TMC1: variants seen among roughly 807,000 people sequenced by gnomAD.
TMC1 encodes transmembrane channel-like protein 1.
Under a neutral mutation model 105.8 loss-of-function variants are expected in TMC1, and 84 were observed. The ratio of observed to expected loss-of-function variants is 0.79; its 90% CI spans 0.67 to 0.95. The LOEUF (loss-of-function observed/expected upper bound fraction) is 0.95. TMC1 is among the 40% of genes least tolerant of loss of function. The pLI, the probability that TMC1 is intolerant of heterozygous loss-of-function variation, is 0.00. For missense variants in TMC1, 817 were observed against 914.1 expected, an observed-to-expected ratio of 0.89 and a Z score of 1.37; for synonymous variants, 315 against 311.5, an observed-to-expected ratio of 1.01 and a Z score of -0.12.
chr9:72,723,622 A>C (rs1488098796), intron 8 of TMC1, among the ~76,000 whole-genome samples: 2 of 152,208 alleles, frequency 1.3e-5, no homozygotes, highest in Non-Finnish European at 2.9e-5. Flanking sequence ...CCTTTCAAAT[A>C]ATATTTTGAA....
rs1281883385 is a variant in TMC1 at position 72,656,274 on chromosome 9, G to C, written c.16+7610G>C. On this transcript the variant is annotated intron_variant, in intron 5 of 23. Transcript: ENST00000297784. ...CAGGAGCAGGTGCGGGCGGATCAGA[G>C]CTCCACAACACCTACGACCACCTCT... 4 of 321,600 alleles carry C rather than the reference G, an allele frequency of 1.2e-5. No homozygotes were observed. The South Asian group carries it at 1.4e-4, about 11-fold the overall frequency. 19.9% of individuals were successfully genotyped at this position (321,600 alleles called of 1,614,324 possible).
chr9:72,786,414 A>G lies in TMC1; in HGVS notation c.885-1925A>G, dbSNP rs1828168550. Among the ~76,000 whole-genome samples the G allele has an allele frequency of 1.3e-5, 2 of 152,206 alleles. 1 individual carries two copies. Among genetic ancestry groups the G allele is most frequent in the South Asian group, 4.1e-4 (2 of 4,832 alleles). ...AGCCGAGATCGCGCCACTGCACTCT[A>G]GCCTGGGCGACAGAGAAGACTCCTC... On this transcript the variant is annotated intron_variant, in intron 13 of 23. Coordinates refer to ENST00000297784, the MANE Select transcript of TMC1 (RefSeq NM_138691.3).
intron 4 of TMC1, among the ~76,000 whole-genome samples, chr9:72,647,483 C>T (rs1190203667): frequency 6.6e-6 from 1 of 152,068 alleles, no homozygotes; most frequent in Non-Finnish European, 1.5e-5. Context: ...TGCAACAAAA[C>T]CTTATCTCTT....
rs1359485028 is a variant in TMC1 at position 72,772,282 on chromosome 9, T to C, written c.742-131T>C. On this transcript the variant is annotated intron_variant, in intron 12 of 23. Coordinates refer to ENST00000297784, the MANE Select transcript of TMC1 (RefSeq NM_138691.3). ...ACATTCACTTTATGGAGCAAAACAA[T>C]AGGGCTCATGTCAGAGCTGTGACCC... 8 of 1,111,798 alleles carry C rather than the reference T, an allele frequency of 7.2e-6. No individual in the cohort carries two copies. In the Admixed American group the frequency reaches 1.0e-4, roughly 14 times the overall value. The allele number at this position is 1,111,798 out of a possible 1,614,324, so 68.9% of individuals were successfully genotyped here.
In TMC1 at chr9:72,686,290, A is replaced by T. The variant is rs757748746; in HGVS notation, c.17-2419A>T. ...TGGGGAGCAGCTGAGGCATGAAGAG[A>T]TCATACGATTGGGAATAAGGTACTA... On this transcript the variant is annotated intron_variant, in intron 5 of 23. Coordinates refer to ENST00000297784, the MANE Select transcript of TMC1 (RefSeq NM_138691.3). Among the ~76,000 whole-genome samples, 94 of 152,154 alleles carry T rather than the reference A, an allele frequency of 6.2e-4. 1 individual carries two copies. The highest frequency in any genetic ancestry group is 1.0e-4 in the Non-Finnish European group (7 of 68,026).
intron 12 of TMC1, among the ~76,000 whole-genome samples, chr9:72,758,330 C>T (rs1172556923): frequency 6.6e-6 from 1 of 152,004 alleles, no homozygotes; most frequent in African/African-American, 2.4e-5. Flanking sequence ...TTCACAAGTA[C>T]ATCAATAAGA....
At chr9:72,702,937 C>T (rs1826668957) in intron 8 of TMC1, among the ~76,000 whole-genome samples, 1 of 152,004 alleles carries the variant, frequency 6.6e-6, no homozygotes, top group South Asian at 2.1e-4. Context: ...CGAAAGCAGA[C>T]ACTGACAATA....
At chr9:72,658,512 C>G (rs1160560703) in intron 5 of TMC1, among the ~76,000 whole-genome samples, 1 of 152,166 alleles carries the variant, frequency 6.6e-6, no homozygotes, top group African/African-American at 2.4e-5. Flanking sequence ...TTTCTTCCTT[C>G]CTTCTTTCTA....
At chr9:72,551,193 G>C (rs1823855531) in intron 1 of TMC1, among the ~76,000 whole-genome samples, 1 of 152,148 alleles carries the variant, frequency 6.6e-6, no homozygotes, top group African/African-American at 2.4e-5. Flanking sequence ...TTAGTCCGAT[G>C]AGATTGATTT....
At chr9:72,543,000 T>A (rs1823704020) in intron 1 of TMC1, among the ~76,000 whole-genome samples, 1 of 152,182 alleles carries the variant, frequency 6.6e-6, no homozygotes, top group East Asian at 1.9e-4. Context: ...TTCTAATGTG[T>A]AAAATGAAAA....
At chr9:72,545,534 A>T (rs1417591120) in intron 1 of TMC1, among the ~76,000 whole-genome samples, 2 of 152,054 alleles carry the variant, frequency 1.3e-5, no homozygotes, top group Non-Finnish European at 2.9e-5. Context: ...GTTGCCCAGG[A>T]TGGAGTGCAG....
chr9:72,737,653 G>C (rs1827322414), intron 8 of TMC1, among the ~76,000 whole-genome samples: 1 of 152,110 alleles, frequency 6.6e-6, no homozygotes, highest in Non-Finnish European at 1.5e-5. Flanking sequence ...TCTGCTTAGA[G>C]GCTTCAGTTC....
chr9:72,795,623 G>A (rs1828350851), intron 17 of TMC1, among the ~76,000 whole-genome samples: 1 of 152,162 alleles, frequency 6.6e-6, no homozygotes. Flanking sequence ...CACCAGACCT[G>A]CTTTACAAGA....
intron 17 of TMC1, among the ~76,000 whole-genome samples, chr9:72,796,828 T>C (rs1023956479): frequency 2.0e-5 from 3 of 152,044 alleles, no homozygotes; most frequent in African/African-American, 7.2e-5. Context: ...AAGGATGCCC[T>C]CTCTCACCAC....
At chr9:72,765,092 A>C (rs933684433) in intron 12 of TMC1, among the ~76,000 whole-genome samples, 1 of 152,186 alleles carries the variant, frequency 6.6e-6, no homozygotes, top group Non-Finnish European at 1.5e-5. Flanking sequence ...TTCATTATTA[A>C]TGGAAATCGA....
rs1828967982 is a variant in TMC1, at chr9:72,827,014, A to G, written c.2129+20A>G. On this transcript the variant is annotated intron_variant, in intron 21 of 23. Transcript: ENST00000297784. ...GATGGTGTATGTGCTTTTCCTCCTC[A>G]TAGAAAGAGCCTCTGTGATGTTCTT... The G allele has an allele frequency of 1.2e-6, 2 of 1,613,784 alleles. No homozygotes were observed. Among genetic ancestry groups the G allele is most frequent in the South Asian group, 1.1e-5 (1 of 91,078 alleles).
chr9:72,690,945 C>A (rs1222664514), intron 6 of TMC1, among the ~76,000 whole-genome samples: 2 of 152,130 alleles, frequency 1.3e-5, no homozygotes, highest in Non-Finnish European at 2.9e-5. Flanking sequence ...CTTCAGAACT[C>A]CCATAGTGTA....
intron 1 of TMC1, among the ~76,000 whole-genome samples, chr9:72,567,901 T>C (rs1386815175): frequency 5.9e-5 from 9 of 152,146 alleles, no homozygotes; most frequent in Non-Finnish European, 4.4e-5. Flanking sequence ...AAAAATTGTT[T>C]ATCATCTTCT....
chr9:72,581,756 C>G (rs1321223563), intron 2 of TMC1, among the ~76,000 whole-genome samples: 2 of 152,066 alleles, frequency 1.3e-5, no homozygotes, highest in African/African-American at 4.8e-5. Context: ...ACTCAAAAGT[C>G]TGGTTATTTT....
Sources: gnomAD v4.1 joint callset for allele counts (sites outside exome capture counted in the v4.1 genomes callset) on GRCh38, gnomAD v4.1.1 for gene constraint, MANE v1.5 for transcripts, NCBI Gene and HGNC (gene_info 2026-07-23, HGNC 2026-07-21) for gene names.